DMXL1: variants seen among roughly 807,000 people sequenced by gnomAD.
The protein encoded by DMXL1 is Dmx like 1.
DMXL1 carries 99 observed loss-of-function variants against 319.2 expected under a neutral mutation model. The ratio of observed to expected loss-of-function variants is 0.31; its 90% CI spans 0.26 to 0.37. The LOEUF is 0.37. Among genes scored for constraint, DMXL1 ranks in the 10% least tolerant of loss-of-function variants. DMXL1 has a pLI of 1.00. For missense variants in DMXL1, 3,745 were observed against 3,595.6 expected (o/e 1.04, Z -1.06); for synonymous variants, 1,385 against 1,235.2 (o/e 1.12, Z -2.54).
chr5:119,129,542 A>C, intron 10 of DMXL1, 119 bp downstream of exon 10: 3 of 674,112 alleles, frequency 4.5e-6, no homozygotes, highest in South Asian at 2.0e-5. Flanking sequence ...TGATCCAAAC[A>C]TGGACTAGCT....
At chr5:119,244,218 T>G in intron 42 of DMXL1, 141 bp from the exon 43 acceptor site, 3 of 658,852 alleles carry the variant, frequency 4.6e-6, no homozygotes, top group East Asian at 2.8e-5. Context: ...TCTGAAATCA[T>G]TGGTTTTTAT....
chr5:119,212,312 AT>A (rs1467862207), intron 34 of DMXL1, among the ~76,000 whole-genome samples: 1 of 152,172 alleles, frequency 6.6e-6, no homozygotes, highest in East Asian at 1.9e-4. Flanking sequence ...TATAATAGTT[AT>A]CCTTTTGTGA....
chr5:119,177,476 A>G lies in DMXL1; in HGVS notation c.6878A>G (p.Gln2293Arg), dbSNP rs1776029141. Residue 2293 changes from glutamine (Q) to arginine (R), a missense_variant, in exon 27 of 44, where the codon CAA becomes CGA. Gln to Arg is a conservative substitution (Grantham distance 43). Transcript: ENST00000539542. ...TTAACTCCCAATACGTCACCAGCTC[A>G]ATGGCCAGGTATAATTTTTATGTAT... ...EALTPNTSPA[Q>R]WPGITCLIRL... The G allele has an allele frequency of 6.3e-7, 1 of 1,596,032 alleles. No homozygotes were observed. The highest frequency in any genetic ancestry group is 8.5e-7 in the Non-Finnish European group (1 of 1,171,884).
chr5:119,230,549 G>A (rs949352121), intron 38 of DMXL1, among the ~76,000 whole-genome samples: 13 of 152,198 alleles, frequency 8.5e-5, no homozygotes, highest in Middle Eastern at 3.4e-3. Context: ...AAATTTTGGC[G>A]ATCTGCCAGA....
At chr5:119,100,185 C>G (rs1235348993) in intron 2 of DMXL1, among the ~76,000 whole-genome samples, 1 of 151,806 alleles carries the variant, frequency 6.6e-6, no homozygotes, top group East Asian at 1.9e-4. Flanking sequence ...AGGAAATGTT[C>G]TTTGGGAAGC....
chr5:119,132,623 G>A (rs562453831), intron 10 of DMXL1: 1 of 353,932 alleles, frequency 2.8e-6, no homozygotes. Flanking sequence ...GTTGCAGTGA[G>A]CTGAGATCAC....
intron 28 of DMXL1, among the ~76,000 whole-genome samples, chr5:119,179,136 C>T (rs1038792555): frequency 6.6e-6 from 1 of 152,020 alleles, no homozygotes; most frequent in African/African-American, 2.4e-5. Flanking sequence ...CGTTTAAAAA[C>T]TTTCTAATGT....
chr5:119,130,291 G>A (rs1043867910), intron 10 of DMXL1, among the ~76,000 whole-genome samples: 8 of 151,806 alleles, frequency 5.3e-5, no homozygotes, highest in African/African-American at 1.9e-4. Flanking sequence ...AAGTTGTACT[G>A]TGGGTGTGCA....
chr5:119,161,429 G>A (rs1055004469), intron 19 of DMXL1, among the ~76,000 whole-genome samples: 14 of 152,242 alleles, frequency 9.2e-5, no homozygotes, highest in Non-Finnish European at 7.3e-5. Context: ...AGGTTAGGCA[G>A]AGTTGTTACT....
At chr5:119,089,301 T>TATGCA (rs1561549936) in intron 1 of DMXL1, among the ~76,000 whole-genome samples, 1 of 93,706 alleles carries the variant, frequency 1.1e-5, no homozygotes, top group African/African-American at 4.2e-5. Flanking sequence ...TATTTTTTTT[T>TATGCA]TTTTTTTTTT....
At chr5:119,128,888 A>G (rs544238039) in intron 9 of DMXL1, among the ~76,000 whole-genome samples, 15 of 152,154 alleles carry the variant, frequency 9.9e-5, no homozygotes, top group African/African-American at 3.4e-4. Flanking sequence ...GCGTGGTGAA[A>G]CCCTGTCTCT....
Position 119,224,787 on chromosome 5 carries a change from T to C in DMXL1, c.8338+18T>C. 8.9e-7 allele frequency: 1 copy of C among 1,118,426 alleles called. No homozygotes were observed. The highest frequency in any genetic ancestry group is 2.9e-5 in the East Asian group (1 of 35,060). The allele number at this position is 1,118,426 out of a possible 1,614,324, so 69.3% of individuals were successfully genotyped here. A position where few individuals can be genotyped will look rare whatever the true frequency, so the allele number is the denominator to read the frequency against. On this transcript the variant is annotated intron_variant, in intron 38 of 43. Coordinates refer to ENST00000539542, the MANE Select transcript of DMXL1 (RefSeq NM_001290321.3). ...TCCTTACTGTAAGTTGAATAATAAT[T>C]AGCAATTGTCCTTTCTTATTCTTAA...
At chr5:119,134,597 T>A (rs534141569) in intron 13 of DMXL1, among the ~76,000 whole-genome samples, 1 of 152,284 alleles carries the variant, frequency 6.6e-6, no homozygotes, top group Admixed American at 6.5e-5. Flanking sequence ...GAAAGTAGAG[T>A]CTCATCTCCT....
chr5:119,110,096 A>C, intron 4 of DMXL1, 55 bp from the exon 5 acceptor site: 1 of 1,455,926 alleles, frequency 6.9e-7, no homozygotes, highest in Non-Finnish European at 9.2e-7. Flanking sequence ...TGAGCATGTA[A>C]ATTAAGTCAC....
chr5:119,175,911 T>A (rs1429273873), intron 26 of DMXL1, among the ~76,000 whole-genome samples: 3 of 152,102 alleles, frequency 2.0e-5, no homozygotes, highest in Non-Finnish European at 2.9e-5. Flanking sequence ...TATCTTTAGT[T>A]GTTTGAAGTA....
In DMXL1 at chr5:119,090,279, C is replaced by G. The variant is rs147444328; in HGVS notation, c.88-7700C>G. ...CAGGTGATTTGCCTGCCTCAACCTC[C>G]CAAAGTACTGGGATTACAGGTGTGA... On this transcript the variant is annotated intron_variant, in intron 1 of 43. Coordinates refer to ENST00000539542, the MANE Select transcript of DMXL1 (RefSeq NM_001290321.3). Among the ~76,000 whole-genome samples the G allele has an allele frequency of 4.1e-3, 619 of 151,854 alleles. 4 individuals carry two copies. The highest frequency in any genetic ancestry group is 0.015 in the African/African-American group (606 of 41,424).
intron 9 of DMXL1, chr5:119,128,101 C>A: frequency 2.1e-6 from 1 of 482,004 alleles, no homozygotes; most frequent in South Asian, 1.6e-5. Flanking sequence ...CATTGCAAGT[C>A]TAAATCATGG....
chr5:119,166,402 A>G (rs1328094143), intron 21 of DMXL1, among the ~76,000 whole-genome samples: 12 of 152,164 alleles, frequency 7.9e-5, no homozygotes. Flanking sequence ...TTTTCTTTGT[A>G]TTTAGAAAGA....
At chr5:119,242,164 G>A (rs145690957) in intron 42 of DMXL1, among the ~76,000 whole-genome samples, 117 of 152,026 alleles carry the variant, frequency 7.7e-4, no homozygotes, top group Non-Finnish European at 1.4e-3. Context: ...ATATTTCTTG[G>A]CTATGTGGGT....
Sources: allele counts gnomAD v4.1 joint callset (sites outside exome capture counted in the v4.1 genomes callset), GRCh38; gene constraint gnomAD v4.1.1; transcripts MANE v1.5; gene names NCBI Gene and HGNC (gene_info 2026-07-23, HGNC 2026-07-21).